Variants in ADARB1 observed in about 807,000 individuals in gnomAD.
ADARB1 encodes double-stranded RNA-specific editase 1.
In ADARB1, 10 loss-of-function variants were observed where a neutral mutation model predicts 52.4. That is an observed-to-expected ratio of 0.19 (90% confidence interval 0.12 to 0.32). The LOEUF (loss-of-function observed/expected upper bound fraction) is 0.32, where lower values mean the gene tolerates loss of function less well. Among genes scored for constraint, ADARB1 ranks in the 10% least tolerant of loss-of-function variants. The probability of loss-of-function intolerance (pLI) is 1.00; values close to 1 mark genes in which losing one functional copy is unlikely to be tolerated. For missense variants in ADARB1, 643 were observed against 922.3 expected, an observed-to-expected ratio of 0.70 and a Z score of 3.92; for synonymous variants, 349 against 371.1, an observed-to-expected ratio of 0.94 and a Z score of 0.68.
At chr21:45,201,223 C>A (rs769691908) in intron 8 of ADARB1, among the ~76,000 whole-genome samples, 3 of 152,192 alleles carry the variant, frequency 2.0e-5, no homozygotes, top group Non-Finnish European at 2.9e-5. Flanking sequence ...GACACCCTCT[C>A]GCTGGCGCTA....
At chr21:45,188,783 T>C (rs930036238) in intron 8 of ADARB1, among the ~76,000 whole-genome samples, 3 of 152,188 alleles carry the variant, frequency 2.0e-5, no homozygotes, top group African/African-American at 7.2e-5. Context: ...TGCCTTCCTT[T>C]GTGTTTCTTT....
chr21:45,175,984 T>G lies in ADARB1; in HGVS notation c.283T>G (p.Tyr95Asp). 1 of 1,613,846 alleles carries G rather than the reference T, an allele frequency of 6.2e-7. No homozygotes were observed. The highest frequency in any genetic ancestry group is 8.5e-7 in the Non-Finnish European group (1 of 1,179,906). The change falls in exon 4 of 11, where the codon TAC (tyrosine) becomes GAC (aspartate). Residue 95 changes from tyrosine to aspartate, a missense_variant. This residue lies in a region of ADARB1 where 380 missense variants were observed against 446.5 expected (regional missense o/e 0.85). Transcript: ENST00000348831. Reference sequence around the variant, plus strand: ...GAATGAGATCAAGCCTGGTTTGCAGTACACACTCCTGTCCCAGACTGGGCC... The same window carrying G: ...GAATGAGATCAAGCCTGGTTTGCAGGACACACTCCTGTCCCAGACTGGGCC... ...QLNEIKPGLQYTLLSQTGPVH... is the reference protein window; with the variant it reads ...QLNEIKPGLQDTLLSQTGPVH...
chr21:45,164,610 G>A (rs980047218), intron 2 of ADARB1, among the ~76,000 whole-genome samples: 7 of 152,282 alleles, frequency 4.6e-5, no homozygotes, highest in African/African-American at 9.6e-5. Flanking sequence ...GAAGCCTTGC[G>A]CGAGGACATG....
intron 8 of ADARB1, among the ~76,000 whole-genome samples, chr21:45,198,514 C>CAT (rs2092477225): frequency 6.6e-6 from 1 of 151,604 alleles, no homozygotes; most frequent in South Asian, 2.1e-4. Flanking sequence ...CACACACACA[C>CAT]ACACACATAC....
chr21:45,113,533 A>C (rs2087665225), intron 1 of ADARB1, among the ~76,000 whole-genome samples: 1 of 151,022 alleles, frequency 6.6e-6, no homozygotes, highest in South Asian at 2.1e-4. Flanking sequence ...GTATATATAT[A>C]TATATGTTGA....
intron 8 of ADARB1, among the ~76,000 whole-genome samples, chr21:45,187,324 A>G (rs568295284): frequency 6.6e-6 from 1 of 152,254 alleles, no homozygotes; most frequent in East Asian, 1.9e-4. Context: ...ATTCATTGTT[A>G]GTGCATGGAA....
At chr21:45,117,369 A>G (rs1017594017) in intron 1 of ADARB1, among the ~76,000 whole-genome samples, 3 of 152,294 alleles carry the variant, frequency 2.0e-5, no homozygotes, top group Admixed American at 2.0e-4. Context: ...AAGGGTACGT[A>G]CCCACTAGTT....
chr21:45,182,856 T>C (rs2091976644), intron 6 of ADARB1, 103 bp downstream of exon 6: 3 of 1,142,712 alleles, frequency 2.6e-6, no homozygotes, highest in Non-Finnish European at 3.6e-6. Context: ...TCATGGAAAA[T>C]CTCTCAAAAT....
intron 9 of ADARB1, among the ~76,000 whole-genome samples, chr21:45,218,725 T>C (rs771011909): frequency 1.3e-5 from 2 of 152,216 alleles, no homozygotes; most frequent in Non-Finnish European, 2.9e-5. Flanking sequence ...TAAATGGTCA[T>C]TGAAAGCAAG....
intron 2 of ADARB1, among the ~76,000 whole-genome samples, chr21:45,163,682 A>G (rs1234132058): frequency 1.3e-5 from 2 of 152,194 alleles, no homozygotes; most frequent in East Asian, 3.9e-4. Flanking sequence ...ATAGTAGCAC[A>G]TGTGTGACCT....
chr21:45,126,125 A>G (rs412626), intron 1 of ADARB1, among the ~76,000 whole-genome samples: 120,985 of 152,186 alleles, frequency 0.79, 48,241 homozygotes, highest in South Asian at 0.86. Flanking sequence ...GGGACTTTCT[A>G]GTTATACTTG....
chr21:45,226,562 T>C (rs192378418), downstream of ADARB1: 1 of 152,778 alleles, frequency 6.5e-6, no homozygotes, highest in East Asian at 1.9e-4. Context: ...GTTTCACTAC[T>C]CTGGTGTTGC....
chr21:45,222,940 C>T lies in ADARB1; in HGVS notation c.*743C>T. 4.1e-6 allele frequency: 4 copies of T among 985,486 alleles called. No individual in the cohort carries two copies. Among genetic ancestry groups the T allele is most frequent in the Non-Finnish European group, 4.8e-6 (4 of 829,948 alleles). 61.0% of individuals were successfully genotyped at this position (985,486 alleles called of 1,614,324 possible). On this transcript the variant is annotated 3_prime_UTR_variant, in exon 11 of 11. Transcript: ENST00000348831. ...TCAGCCTCCTCTAGAAGCTTCTGTA[C>T]TCCTTGTAGGATCAGATCATGGAAA...
chr21:45,118,036 C>T (rs777931606), intron 1 of ADARB1, among the ~76,000 whole-genome samples: 1 of 152,174 alleles, frequency 6.6e-6, no homozygotes, highest in African/African-American at 2.4e-5. Context: ...TCATTAGGCT[C>T]CCTGTGCTTT....
chr21:45,193,160 G>T (rs1213102868), intron 8 of ADARB1, among the ~76,000 whole-genome samples: 1 of 152,178 alleles, frequency 6.6e-6, no homozygotes, highest in Admixed American at 6.5e-5. Context: ...ATGTTAAAAT[G>T]TGTCATGAAC....
intron 4 of ADARB1, chr21:45,177,330 A>G (rs151122842): frequency 5.6e-4 from 85 of 152,594 alleles, no homozygotes; most frequent in African/African-American, 1.7e-3. Context: ...TGAATTTCCT[A>G]CATGGGCTGT....
At chr21:45,216,425 GC>G (rs1874582132) in intron 9 of ADARB1, among the ~76,000 whole-genome samples, 1 of 151,490 alleles carries the variant, frequency 6.6e-6, no homozygotes, top group Admixed American at 6.6e-5. Context: ...CCTTTTTACT[GC>G]TTTTGTAGCA....
chr21:45,144,324 A>G (rs1045498758), intron 2 of ADARB1, among the ~76,000 whole-genome samples: 11 of 152,328 alleles, frequency 7.2e-5, no homozygotes, highest in African/African-American at 2.4e-5. Flanking sequence ...GAGGGCATAG[A>G]TAAAAATAAA....
At chr21:45,096,126 A>G (rs1946479705) in intron 1 of ADARB1, among the ~76,000 whole-genome samples, 1 of 152,224 alleles carries the variant, frequency 6.6e-6, no homozygotes, top group African/African-American at 2.4e-5. Context: ...CCTAGTAACG[A>G]GCATGGCTGG....
Sources: gnomAD v4.1 joint callset for allele counts (sites outside exome capture counted in the v4.1 genomes callset) on GRCh38, gnomAD v4.1.1 for gene constraint, gnomAD v4.1.1 regional missense constraint, MANE v1.5 for transcripts, NCBI Gene and HGNC (gene_info 2026-07-23, HGNC 2026-07-21) for gene names.